Variants in PAFAH1B2 observed in about 807,000 individuals in gnomAD.
The protein encoded by PAFAH1B2 is platelet-activating factor acetylhydrolase IB subunit alpha2.
PAFAH1B2 carries 8 observed loss-of-function variants against 28.0 expected under a neutral mutation model. The observed-to-expected ratio is 0.29, with a 90% CI of 0.17 to 0.52. The LOEUF (loss-of-function observed/expected upper bound fraction) is 0.52. PAFAH1B2 is among the 20% of genes least tolerant of loss of function. The pLI is 0.97. For missense variants in PAFAH1B2, 190 were observed against 282.6 expected (o/e 0.67, Z 2.35); for synonymous variants, 104 against 103.2 (o/e 1.01, Z -0.05).
At chr11:117,174,164 T>TTTGTGTGTG (rs766588493), downstream of PAFAH1B2, among the ~76,000 whole-genome samples, 2 of 138,808 alleles carry the variant, frequency 1.4e-5, no homozygotes, top group African/African-American at 2.6e-5. Context: ...TTCATGTCTT[T>TTTGTGTGTG]TGTGTGTGTG....
At chr11:117,158,784 A>G (rs2134193379) in intron 2 of PAFAH1B2, among the ~76,000 whole-genome samples, 1 of 151,780 alleles carries the variant, frequency 6.6e-6, no homozygotes, top group East Asian at 1.9e-4. Context: ...AGCTGGGACT[A>G]CAGGCACCCG....
downstream of PAFAH1B2, chr11:117,175,582 A>G: frequency 8.8e-7 from 1 of 1,139,540 alleles, no homozygotes. Context: ...AAGGGAGCAA[A>G]CAGAAATAGT....
In PAFAH1B2 at chr11:117,169,754, T is replaced by C. The variant is rs1956606934; in HGVS notation, c.*2055T>C. The C allele has an allele frequency of 2.8e-6, 3 of 1,057,754 alleles. No homozygotes were observed. Among genetic ancestry groups the C allele is most frequent in the African/African-American group, 1.6e-5 (1 of 60,624 alleles). 65.5% of individuals were successfully genotyped at this position (1,057,754 alleles called of 1,614,324 possible). On this transcript the variant is annotated 3_prime_UTR_variant, in exon 6 of 6. Coordinates refer to ENST00000527958, the MANE Select transcript of PAFAH1B2 (RefSeq NM_002572.4). ...TTTCACAAGAGATTTTTTTCTTAGC[T>C]GAGGTATAGTTGTATAGCAAGAAGA... is the stretch of plus-strand genomic sequence containing the variant.
At chr11:117,172,700 C>G (rs540315289), downstream of PAFAH1B2, among the ~76,000 whole-genome samples, 3 of 152,148 alleles carry the variant, frequency 2.0e-5, no homozygotes, top group East Asian at 5.8e-4. Context: ...GCTGGTCTAG[C>G]TCCTACTCTA....
In PAFAH1B2 at chr11:117,167,968, A is replaced by G; in HGVS notation, c.*269A>G. 2 of 1,102,528 alleles carry G rather than the reference A, an allele frequency of 1.8e-6. No individual in the cohort carries two copies. The highest frequency in any genetic ancestry group is 2.2e-6 in the Non-Finnish European group (2 of 904,504). 68.3% of individuals were successfully genotyped at this position (1,102,528 alleles called of 1,614,324 possible). On this transcript the variant is annotated 3_prime_UTR_variant, in exon 6 of 6. Transcript: ENST00000527958. ...TTTTAGTTGTATGTGTAACACATTC[A>G]TTGAATTATTATCACTGTTTTCTTG...
intron 1 of PAFAH1B2, among the ~76,000 whole-genome samples, chr11:117,151,951 C>T (rs1956161045): frequency 6.6e-6 from 1 of 151,924 alleles, no homozygotes; most frequent in Non-Finnish European, 1.5e-5. Flanking sequence ...TCGTGATCCA[C>T]CTGCCGCCTA....
downstream of PAFAH1B2, chr11:117,176,962 C>T (rs1281187291): frequency 1.3e-5 from 2 of 151,542 alleles, no homozygotes; most frequent in Non-Finnish European, 2.9e-5. Context: ...AATCCCAGCA[C>T]TTTGGGAGAC....
In PAFAH1B2 at chr11:117,148,827, G is replaced by A. The variant is rs965715859; in HGVS notation, c.-7-3614G>A. On this transcript the variant is annotated intron_variant, in intron 1 of 5. Transcript: ENST00000527958. ...GAAAGAGTGTGTGTATGCACCTCTG[G>A]GGATGCATAAGATGATCCATTGGAA... Among the ~76,000 whole-genome samples the A allele has an allele frequency of 6.0e-5, 9 of 151,184 alleles. 1 individual carries two copies. The highest frequency in any genetic ancestry group is 5.9e-4 in the Admixed American group (9 of 15,172).
At chr11:117,176,904 G>A (rs2030012897), downstream of PAFAH1B2, 1 of 146,408 alleles carries the variant, frequency 6.8e-6, no homozygotes, top group Non-Finnish European at 1.5e-5. Context: ...AGTCTAATTT[G>A]TCTTATAAAT....
chr11:117,168,445 C>CCCTTTTTTTT lies in PAFAH1B2; in HGVS notation c.*746_*747insCCTTTTTTTT, dbSNP rs1565274998. 1 of 352,466 alleles carries CCCTTTTTTTT rather than the reference C, an allele frequency of 2.8e-6. No homozygotes were observed. Among genetic ancestry groups the CCCTTTTTTTT allele is most frequent in the Admixed American group, 2.8e-4 (1 of 3,534 alleles). 21.8% of individuals were successfully genotyped at this position (352,466 alleles called of 1,614,324 possible). A position where few individuals can be genotyped will look rare whatever the true frequency, so the allele number is the denominator to read the frequency against. ...TTCCCCTTCATTCCCCCCGCCACCC[C>CCCTTTTTTTT]GTTTTTTTTTTTTTTTTTTTTTTTT... On this transcript the variant is annotated 3_prime_UTR_variant, in exon 6 of 6. Transcript: ENST00000527958.
chr11:117,153,188 C>T (rs1453472078), intron 2 of PAFAH1B2, among the ~76,000 whole-genome samples: 2 of 152,158 alleles, frequency 1.3e-5, no homozygotes, highest in Non-Finnish European at 2.9e-5. Context: ...TTACAAATGT[C>T]CTGCCTCTTC....
intron 2 of PAFAH1B2, among the ~76,000 whole-genome samples, chr11:117,158,567 A>G (rs1020868908): frequency 4.0e-5 from 6 of 150,728 alleles, no homozygotes; most frequent in African/African-American, 1.2e-4. Context: ...ACTTTATTGA[A>G]CTCTTGGAGC....
chr11:117,148,666 T>G (rs566640426), intron 1 of PAFAH1B2, among the ~76,000 whole-genome samples: 1 of 152,172 alleles, frequency 6.6e-6, no homozygotes, highest in African/African-American at 2.4e-5. Flanking sequence ...TGTGTGCCTG[T>G]AGTCCCAGCT....
chr11:117,161,062 T>G (rs1484754749), intron 3 of PAFAH1B2, 83 bp from the exon 4 acceptor site: 2 of 847,078 alleles, frequency 2.4e-6, no homozygotes, highest in African/African-American at 3.5e-5. Flanking sequence ...AAAAGGAAAT[T>G]AATGCCTTGC....
At position 117,157,750 on chromosome 11, in the gene PAFAH1B2, A is replaced by AC. The variant is rs527364189; in HGVS notation, c.82-2180dup. Among the ~76,000 whole-genome samples the AC allele has an allele frequency of 1.5e-4, 23 of 152,170 alleles. No homozygotes were observed. In the South Asian group the frequency reaches 4.6e-3, roughly 30 times the overall value. On this transcript the variant is annotated intron_variant, in intron 2 of 5. Coordinates refer to ENST00000527958, the MANE Select transcript of PAFAH1B2 (RefSeq NM_002572.4). ...AGTCCAGTCTGGGCAACATAGTGAGACCCCATCTTTGGGAAAAAAAGAGAG... is the reference window on the plus strand; with the variant it reads ...AGTCCAGTCTGGGCAACATAGTGAGACCCCCATCTTTGGGAAAAAAAGAGAG...
In PAFAH1B2 at chr11:117,167,542, G is replaced by T; in HGVS notation, c.533G>T (p.Gly178Val). The change falls in exon 6 of 6, where the codon GGT (glycine) becomes GTT (valine). Residue 178 changes from glycine to valine, a missense_variant. By Grantham distance (109) the Gly-to-Val change is moderately radical. Transcript: ENST00000527958. ...ANVQLLDTDG[G>V]FVHSDGAISC... ...GTGCAGCTCCTGGATACCGACGGGG[G>T]TTTTGTGCACTCGGACGGTGCCATC... 6.2e-7 allele frequency: 1 copy of T among 1,613,132 alleles called. No homozygotes were observed. The highest frequency in any genetic ancestry group is 8.5e-7 in the Non-Finnish European group (1 of 1,179,496).
Position 117,167,955 on chromosome 11 carries a change from G to A in PAFAH1B2, c.*256G>A. 8.9e-7 allele frequency: 1 copy of A among 1,119,980 alleles called. No homozygotes were observed. The highest frequency in any genetic ancestry group is 1.1e-6 in the Non-Finnish European group (1 of 915,974). The allele number at this position is 1,119,980 out of a possible 1,614,324, so 69.4% of individuals were successfully genotyped here. ...CCAGAAGGGGACTTTTTAGTTGTAT[G>A]TGTAACACATTCATTGAATTATTAT... On this transcript the variant is annotated 3_prime_UTR_variant, in exon 6 of 6. Coordinates refer to ENST00000527958, the MANE Select transcript of PAFAH1B2 (RefSeq NM_002572.4).
chr11:117,160,414 T>C (rs1194187634), intron 3 of PAFAH1B2, among the ~76,000 whole-genome samples: 1 of 152,244 alleles, frequency 6.6e-6, no homozygotes, highest in South Asian at 2.1e-4. Flanking sequence ...TATATTTTTG[T>C]AGTAAGCTAT....
chr11:117,172,387 TATATATATATATA>T (rs1956685573), downstream of PAFAH1B2, among the ~76,000 whole-genome samples: 14 of 2,172 alleles, frequency 6.4e-3, no homozygotes, highest in East Asian at 0.043. Context: ...TATATATATA[TATATATATATATA>T]TATATTTTTT....
Sources: allele counts gnomAD v4.1 joint callset (sites outside exome capture counted in the v4.1 genomes callset), GRCh38; gene constraint gnomAD v4.1.1; transcripts MANE v1.5; gene names NCBI Gene and HGNC (gene_info 2026-07-23, HGNC 2026-07-21).